Variants in CACNG7 observed in about 807,000 individuals in gnomAD.
CACNG7 encodes the protein calcium voltage-gated channel auxiliary subunit gamma 7.
Under a neutral mutation model 26.3 loss-of-function variants are expected in CACNG7, and 9 were observed. The ratio of observed to expected loss-of-function variants is 0.34; its 90% CI spans 0.21 to 0.60. The LOEUF (loss-of-function observed/expected upper bound fraction) is 0.60, where lower values mean the gene tolerates loss of function less well. Ranked by LOEUF, CACNG7 falls within the 20% of genes least tolerant of loss-of-function variation. CACNG7 has a pLI of 0.81. For missense variants in CACNG7, 297 were observed against 380.4 expected, an observed-to-expected ratio of 0.78 and a Z score of 1.82; for synonymous variants, 170 against 157.0, an observed-to-expected ratio of 1.08 and a Z score of -0.62.
intron 4 of CACNG7, among the ~76,000 whole-genome samples, chr19:53,928,077 A>T: frequency 6.8e-6 from 1 of 147,006 alleles, no homozygotes; most frequent in East Asian, 1.9e-4. Flanking sequence ...GGGAGGGGAG[A>T]AAAAGAGAAA....
At chr19:53,915,656 T>C (rs1473097721) in intron 4 of CACNG7, 151 bp downstream of exon 4, 27 of 887,658 alleles carry the variant, frequency 3.0e-5, no homozygotes, top group Non-Finnish European at 4.1e-5. Flanking sequence ...GCAATGGAAA[T>C]AGCAGTGCCC....
At chr19:53,910,097 T>A (rs2068853183) in intron 1 of CACNG7, among the ~76,000 whole-genome samples, 1 of 151,922 alleles carries the variant, frequency 6.6e-6, no homozygotes, top group Non-Finnish European at 1.5e-5. Flanking sequence ...GGAGCAAGGT[T>A]GGGTTTTAAA....
intron 1 of CACNG7, among the ~76,000 whole-genome samples, chr19:53,910,689 C>T (rs80169447): frequency 0.019 from 2,881 of 152,028 alleles, 82 homozygotes; most frequent in African/African-American, 0.065. Flanking sequence ...GGGGGAGAAT[C>T]GTGGGTAAGG....
chr19:53,916,860 T>G (rs1444797826), intron 4 of CACNG7, among the ~76,000 whole-genome samples: 2 of 144,604 alleles, frequency 1.4e-5, no homozygotes, highest in Admixed American at 7.0e-5. Flanking sequence ...CCCACTGGCG[T>G]GATCTCGGCC....
Position 53,912,818 on chromosome 19 carries a change from C to T in CACNG7, c.-14C>T. 6.2e-7 allele frequency: 1 copy of T among 1,610,574 alleles called. No homozygotes were observed. Among genetic ancestry groups the T allele is most frequent in the East Asian group, 2.2e-5 (1 of 44,874 alleles). ...CCTTCCACAGGCCCCGCAGGGCGCC[C>T]CCTGCCTCTGAGGATGAGTCACTGC... On this transcript the variant is annotated 5_prime_UTR_variant, in exon 2 of 6. Transcript: ENST00000391767. The surrounding 1 kb of genome is among the most constrained non-coding windows in gnomAD (Gnocchi z 4.6).
At chr19:53,921,661 G>A (rs1383930000) in intron 4 of CACNG7, among the ~76,000 whole-genome samples, 3 of 68,218 alleles carry the variant, frequency 4.4e-5, no homozygotes, top group Non-Finnish European at 7.7e-5. Context: ...TGGTGGACTT[G>A]CCCCAGGTCT....
At chr19:53,941,948 C>T in intron 5 of CACNG7, 88 bp from the exon 6 acceptor site, 1 of 1,436,266 alleles carries the variant, frequency 7.0e-7, no homozygotes, top group Non-Finnish European at 9.2e-7. Context: ...GGGGTGGGGA[C>T]TCTGAGTCCT....
rs1568774937 is a variant in CACNG7, at chr19:53,921,937, TCTGGTCATTGGTGGAGTTGCCCCAGGC to T, written c.424+6479_424+6505del. Among the ~76,000 whole-genome samples the T allele has an allele frequency of 4.6e-4, 27 of 58,158 alleles. 1 individual carries two copies. The highest frequency in any genetic ancestry group is 6.0e-4 in the South Asian group (1 of 1,678). 38.2% of individuals were successfully genotyped at this position (58,158 alleles called of 152,430 possible). ...TGGTATTGGTGGAGTTGTCCCCAGGTCTGGTCATTGGTGGAGTTGCCCCAGGCCTGGTCATTGGTGGAGTTGCCCCAG... is the reference window on the plus strand; with the variant it reads ...TGGTATTGGTGGAGTTGTCCCCAGGTCTGGTCATTGGTGGAGTTGCCCCAG... On this transcript the variant is annotated intron_variant, in intron 4 of 5. Transcript: ENST00000391767.
chr19:53,930,666 C>T (rs528709332), intron 4 of CACNG7, among the ~76,000 whole-genome samples: 2 of 152,242 alleles, frequency 1.3e-5, no homozygotes, highest in Admixed American at 6.5e-5. Flanking sequence ...AGCCACCGCA[C>T]TGGGCCAATT....
At chr19:53,934,061 C>T (rs940333884) in intron 4 of CACNG7, among the ~76,000 whole-genome samples, 2 of 151,938 alleles carry the variant, frequency 1.3e-5, no homozygotes, top group Non-Finnish European at 2.9e-5. Context: ...CCACGCCCGG[C>T]TAATTTTGTA....
intron 4 of CACNG7, among the ~76,000 whole-genome samples, chr19:53,938,068 C>T (rs995833656): frequency 2.0e-5 from 3 of 151,260 alleles, no homozygotes; most frequent in African/African-American, 7.3e-5. Context: ...TGTTCTAGGC[C>T]GAGTGTGGTG....
chr19:53,933,958 C>T (rs967358301), intron 4 of CACNG7, among the ~76,000 whole-genome samples: 7 of 151,926 alleles, frequency 4.6e-5, no homozygotes, highest in East Asian at 1.9e-4. Flanking sequence ...AGTGCAATGG[C>T]GCAATCTCAG....
At chr19:53,920,366 T>G (rs1396383518) in intron 4 of CACNG7, among the ~76,000 whole-genome samples, 17 of 114,188 alleles carry the variant, frequency 1.5e-4, no homozygotes, top group African/African-American at 7.6e-4. Flanking sequence ...GGTCTGGTCA[T>G]TGGTGGAGTT....
chr19:53,917,552 CCT>C (rs2068906570), intron 4 of CACNG7, among the ~76,000 whole-genome samples: 1 of 152,176 alleles, frequency 6.6e-6, no homozygotes, highest in Non-Finnish European at 1.5e-5. Flanking sequence ...CCTGAAGAGA[CCT>C]TTTCCAGGGA....
intron 4 of CACNG7, among the ~76,000 whole-genome samples, chr19:53,916,751 C>T (rs1170574760): frequency 5.3e-5 from 8 of 150,492 alleles, no homozygotes; most frequent in Admixed American, 2.0e-4. Context: ...CTGCCCACCT[C>T]GGCCTCCCAA....
intron 4 of CACNG7, among the ~76,000 whole-genome samples, chr19:53,927,055 G>A (rs1484922139): frequency 6.6e-6 from 1 of 152,100 alleles, no homozygotes; most frequent in African/African-American, 2.4e-5. Flanking sequence ...ATGTAGCTGG[G>A]ATTACAGGCA....
intron 4 of CACNG7, among the ~76,000 whole-genome samples, chr19:53,924,429 G>C (rs2069003765): frequency 6.6e-6 from 1 of 150,514 alleles, no homozygotes; most frequent in Admixed American, 6.6e-5. Flanking sequence ...CCCCAGGTCT[G>C]GTCATTGGTG....
intron 4 of CACNG7, among the ~76,000 whole-genome samples, chr19:53,935,959 G>A (rs2069102743): frequency 6.6e-6 from 1 of 151,374 alleles, no homozygotes; most frequent in Non-Finnish European, 1.5e-5. Context: ...TCTTTTTACT[G>A]TTACTTTTTC....
chr19:53,937,600 TCCCC>T (rs2069113293), intron 4 of CACNG7, among the ~76,000 whole-genome samples: 3 of 15,704 alleles, frequency 1.9e-4, no homozygotes, highest in Non-Finnish European at 4.2e-4. Flanking sequence ...TCCCCTCCCC[TCCCC>T]TCCTTCTCGG....
Sources: gnomAD v4.1 joint callset for allele counts (sites outside exome capture counted in the v4.1 genomes callset) on GRCh38, gnomAD v4.1.1 for gene constraint, Gnocchi (gnomAD v3.1) non-coding constraint, MANE v1.5 for transcripts, NCBI Gene and HGNC (gene_info 2026-07-23, HGNC 2026-07-21) for gene names.